The following PHF24 variants were observed in gnomAD, a reference collection of about 807,000 sequenced individuals.
The protein encoded by PHF24 is PHD finger protein 24, also known as Galpha inhibitory interacting protein.
In PHF24, 25 loss-of-function variants were observed where a neutral mutation model predicts 42.6. That is an observed-to-expected ratio of 0.59 (90% CI 0.43 to 0.82). PHF24 has a LOEUF of 0.82. Ranked by LOEUF, PHF24 falls within the 40% of genes least tolerant of loss-of-function variation. The probability of loss-of-function intolerance (pLI) is 0.00; values close to 1 mark genes in which losing one functional copy is unlikely to be tolerated. For missense variants in PHF24, 470 were observed against 538.1 expected, an observed-to-expected ratio of 0.87 and a Z score of 1.25; for synonymous variants, 185 against 204.8, an observed-to-expected ratio of 0.90 and a Z score of 0.83.
the PHF24 span, among the ~76,000 whole-genome samples, chr9:34,846,008 A>T: frequency 6.6e-6 from 1 of 152,262 alleles, no homozygotes; most frequent in East Asian, 1.9e-4. Flanking sequence ...ATTGTTGGAC[A>T]TATGGGTTGG....
Position 34,981,780 on chromosome 9 carries a change from G to GA in PHF24, c.*3675dup, listed in dbSNP as rs556902357. The stretch of plus-strand genomic sequence containing the variant: ...TTTTCCTTATTTCAAGCTCTTATCT[G>GA]AAAAAATGCTACTTTCTCCTACCAC... On this transcript the variant is annotated 3_prime_UTR_variant, in exon 8 of 8. Coordinates refer to ENST00000242315, the Ensembl canonical transcript of PHF24. 9 of 142,708 alleles carry GA rather than the reference G, an allele frequency of 6.3e-5. No individual in the cohort carries two copies. The East Asian group carries it at 1.8e-3, about 29-fold the overall frequency. The allele number at this position is 142,708 out of a possible 1,614,324, so 8.8% of individuals were successfully genotyped here. A position where few individuals can be genotyped will look rare whatever the true frequency, so the allele number is the denominator to read the frequency against.
upstream of PHF24, among the ~76,000 whole-genome samples, chr9:34,954,213 G>C (rs1003460139): frequency 6.6e-6 from 1 of 152,154 alleles, no homozygotes; most frequent in African/African-American, 2.4e-5. Flanking sequence ...CGTAGGAAGA[G>C]CAGGGACCCA....
the PHF24 span, among the ~76,000 whole-genome samples, chr9:34,886,017 A>G: frequency 6.6e-6 from 1 of 151,878 alleles, no homozygotes; most frequent in Admixed American, 6.6e-5. Flanking sequence ...ATGTGGAGGA[A>G]TTCTTTCTTC....
At chr9:34,747,182 G>T in the PHF24 span, among the ~76,000 whole-genome samples, 1 of 152,108 alleles carries the variant, frequency 6.6e-6, no homozygotes, top group Admixed American at 6.6e-5. Flanking sequence ...CTGTGGGTTG[G>T]GGGGTGGGGG....
the PHF24 span, among the ~76,000 whole-genome samples, chr9:34,786,622 C>A: frequency 6.6e-6 from 1 of 152,168 alleles, no homozygotes; most frequent in Admixed American, 6.5e-5. Context: ...TTTTGGTCTT[C>A]TCTTTTGCAA....
chr9:34,865,487 C>T, the PHF24 span, among the ~76,000 whole-genome samples: 5 of 152,016 alleles, frequency 3.3e-5, no homozygotes, highest in Non-Finnish European at 7.4e-5. Flanking sequence ...TCGCTTAAAT[C>T]CAGGAGGCAG....
the PHF24 span, among the ~76,000 whole-genome samples, chr9:34,842,882 C>T: frequency 6.6e-6 from 1 of 152,112 alleles, no homozygotes; most frequent in Non-Finnish European, 1.5e-5. Context: ...TTTGTCAACC[C>T]TTGGTACAAT....
the PHF24 span, among the ~76,000 whole-genome samples, chr9:34,703,671 G>A: frequency 9.4e-6 from 1 of 106,572 alleles, no homozygotes; most frequent in African/African-American, 2.8e-5. Context: ...TTTGCCTATG[G>A]AGTAACCATT....
the PHF24 span, among the ~76,000 whole-genome samples, chr9:34,913,747 G>A: frequency 1.3e-5 from 2 of 152,100 alleles, no homozygotes; most frequent in Non-Finnish European, 2.9e-5. Flanking sequence ...TCTGGCTCTC[G>A]TACTCTCAGG....
chr9:34,971,017 G>A (rs1405909105), intron 1 of PHF24, among the ~76,000 whole-genome samples: 8 of 152,104 alleles, frequency 5.3e-5, no homozygotes, highest in Non-Finnish European at 1.2e-4. Flanking sequence ...TTAGGAGGCT[G>A]AACCAAGGGA....
the PHF24 span, among the ~76,000 whole-genome samples, chr9:34,870,368 T>C: frequency 6.1e-3 from 927 of 152,206 alleles, 2 homozygotes; most frequent in South Asian, 0.018. Flanking sequence ...GTTAGTATCA[T>C]GTAGAATAGT....
In PHF24 at chr9:34,977,238, T is replaced by C. The variant is rs772935275; in HGVS notation, c.1005T>C (p.Ser335=). The change falls in exon 6 of 8, where the codon AGT becomes AGC. Residue 335 remains serine, a synonymous_variant. Coordinates refer to ENST00000242315, the Ensembl canonical transcript of PHF24. Reference sequence around the variant, plus strand: ...GGTTCCCAGAGGCTCCTTCCTGCAGTGTCAGGTCTGCTCCTTACCAGTCCT... The same window carrying C: ...GGTTCCCAGAGGCTCCTTCCTGCAGCGTCAGGTCTGCTCCTTACCAGTCCT... 4 of 1,605,468 alleles carry C rather than the reference T, an allele frequency of 2.5e-6. No homozygotes were observed. The African/African-American group carries it at 4.0e-5, about 16-fold the overall frequency.
At chr9:34,731,286 C>A in the PHF24 span, among the ~76,000 whole-genome samples, 1 of 152,248 alleles carries the variant, frequency 6.6e-6, no homozygotes, top group South Asian at 2.1e-4. Context: ...TACAAACATT[C>A]CAATTATACT....
the PHF24 span, chr9:34,726,364 C>T: frequency 3.3e-5 from 51 of 1,547,688 alleles, no homozygotes; most frequent in African/African-American, 6.4e-4. Context: ...CAAGAAGCCT[C>T]AGCACTTCAG....
chr9:34,976,543 C>A (rs1231673111), exon 5 of PHF24: 1 of 1,612,286 alleles, frequency 6.2e-7, no homozygotes, highest in South Asian at 1.1e-5. Context: ...AGATTGCTCC[C>A]TGACACTGGA....
chr9:34,976,310 G>C (rs1234399984), intron 4 of PHF24, 80 bp downstream of exon 4: 1 of 1,275,528 alleles, frequency 7.8e-7, no homozygotes, highest in Non-Finnish European at 1.1e-6. Flanking sequence ...AACCATGAAA[G>C]GAGTGTTCCA....
the PHF24 span, among the ~76,000 whole-genome samples, chr9:34,716,760 A>G: frequency 3.3e-5 from 5 of 151,590 alleles, no homozygotes; most frequent in Middle Eastern, 3.4e-3. Context: ...CAGCTGTTTT[A>G]TTTTATTTTA....
chr9:34,685,343 T>C, the PHF24 span, among the ~76,000 whole-genome samples: 11 of 152,346 alleles, frequency 7.2e-5, no homozygotes, highest in African/African-American at 2.4e-4. Flanking sequence ...TCCTCTGTTG[T>C]TGGGAAAACT....
chr9:34,767,245 G>A, the PHF24 span, among the ~76,000 whole-genome samples: 1 of 152,212 alleles, frequency 6.6e-6, no homozygotes, highest in African/African-American at 2.4e-5. Context: ...TGTCAGACAA[G>A]GACATTTAAG....
Sources: allele counts gnomAD v4.1 joint callset (sites outside exome capture counted in the v4.1 genomes callset), GRCh38; gene constraint gnomAD v4.1.1; transcripts MANE v1.5; gene names NCBI Gene and HGNC (gene_info 2026-07-23, HGNC 2026-07-21).